STARD13: variants seen among roughly 807,000 people sequenced by gnomAD.
STARD13 encodes the protein stAR-related lipid transfer protein 13.
In STARD13, 62 loss-of-function variants were observed where a neutral mutation model predicts 106.4. The ratio of observed to expected loss-of-function variants is 0.58; its 90% CI spans 0.48 to 0.72. The LOEUF (loss-of-function observed/expected upper bound fraction) is 0.72. STARD13 is among the 30% of genes least tolerant of loss of function. The pLI is 0.00. For synonymous variants in STARD13, 565 were observed against 553.0 expected, an observed-to-expected ratio of 1.02 and a Z score of -0.31; for missense variants, 1,387 against 1,424.0, an observed-to-expected ratio of 0.97 and a Z score of 0.42.
chr13:33,444,650 C>A, the STARD13 span, among the ~76,000 whole-genome samples: 1 of 152,060 alleles, frequency 6.6e-6, no homozygotes, highest in Non-Finnish European at 1.5e-5. Context: ...CATCTGTAAT[C>A]CCAGCCACTA....
chr13:33,305,261 T>C (rs1892862526), intron 1 of STARD13, among the ~76,000 whole-genome samples: 1 of 152,218 alleles, frequency 6.6e-6, no homozygotes. Flanking sequence ...ATACATTTAA[T>C]GAGCACTTAC....
At chr13:33,561,685 G>A in the STARD13 span, among the ~76,000 whole-genome samples, 1 of 123,288 alleles carries the variant, frequency 8.1e-6, no homozygotes, top group Non-Finnish European at 1.8e-5. Context: ...TAAATTAATT[G>A]CTTTGTAAAG....
At chr13:33,165,209 C>G in intron 3 of STARD13, 128 bp downstream of exon 3, 1 of 743,502 alleles carries the variant, frequency 1.3e-6, no homozygotes, top group Middle Eastern at 2.3e-4. Flanking sequence ...TTAGAACCTG[C>G]ACCTGGGTCA....
the STARD13 span, among the ~76,000 whole-genome samples, chr13:33,609,377 C>T: frequency 6.6e-6 from 1 of 152,012 alleles, no homozygotes; most frequent in Non-Finnish European, 1.5e-5. Context: ...AAAAGTCAAG[C>T]GGCCAGGTAC....
At chr13:33,264,006 C>T (rs1890772017) in intron 1 of STARD13, among the ~76,000 whole-genome samples, 1 of 152,220 alleles carries the variant, frequency 6.6e-6, no homozygotes, top group Admixed American at 6.5e-5. Flanking sequence ...TTGCCTTGCT[C>T]ACTCTTGGGA....
chr13:33,634,885 A>G, the STARD13 span, among the ~76,000 whole-genome samples: 31 of 152,294 alleles, frequency 2.0e-4, no homozygotes, highest in South Asian at 6.2e-3. Context: ...TGTTGGCTGC[A>G]AAGGCTCTGG....
At chr13:33,446,750 C>T in the STARD13 span, among the ~76,000 whole-genome samples, 285 of 152,224 alleles carry the variant, frequency 1.9e-3, 2 homozygotes, top group African/African-American at 6.6e-3. Flanking sequence ...TGCAAAAACA[C>T]GAGTCTTTAC....
intron 4 of STARD13, among the ~76,000 whole-genome samples, chr13:33,132,069 T>A (rs980844111): frequency 6.6e-6 from 1 of 152,254 alleles, no homozygotes; most frequent in Non-Finnish European, 1.5e-5. Flanking sequence ...GGGATCCTCC[T>A]ATTCTTGTTT....
the STARD13 span, among the ~76,000 whole-genome samples, chr13:33,629,586 C>T: frequency 2.6e-5 from 4 of 152,120 alleles, no homozygotes; most frequent in African/African-American, 9.7e-5. Context: ...AGAAAAAACA[C>T]TAAGTTTTGA....
chr13:33,120,724 G>A (rs1876149330), intron 7 of STARD13, among the ~76,000 whole-genome samples: 1 of 152,036 alleles, frequency 6.6e-6, no homozygotes, highest in South Asian at 2.1e-4. Flanking sequence ...TCTCTTCAAA[G>A]CTATTGATGA....
the STARD13 span, among the ~76,000 whole-genome samples, chr13:33,547,396 A>C: frequency 6.6e-6 from 1 of 152,244 alleles, no homozygotes; most frequent in African/African-American, 2.4e-5. Flanking sequence ...TTACATATTT[A>C]TACTTTTTTC....
At chr13:33,446,973 C>T in the STARD13 span, among the ~76,000 whole-genome samples, 848 of 152,310 alleles carry the variant, frequency 5.6e-3, 4 homozygotes, top group Non-Finnish European at 9.8e-3. Flanking sequence ...CATAAAGAGG[C>T]TACTTGTTCT....
chr13:33,216,035 A>G (rs1466051898), intron 1 of STARD13, among the ~76,000 whole-genome samples: 1 of 152,050 alleles, frequency 6.6e-6, no homozygotes, highest in African/African-American at 2.4e-5. Flanking sequence ...TCTTGCAAGA[A>G]TGGCCATAAT....
chr13:33,279,421 G>A (rs1891645927), intron 1 of STARD13: 1 of 152,134 alleles, frequency 6.6e-6, no homozygotes, highest in South Asian at 2.1e-4. Context: ...AGGTGGGAGA[G>A]GGAAAGACAT....
chr13:33,113,900 G>A (rs1314670313), intron 8 of STARD13, among the ~76,000 whole-genome samples: 1 of 152,146 alleles, frequency 6.6e-6, no homozygotes, highest in African/African-American at 2.4e-5. Context: ...TCCTCTCACT[G>A]CGAAAGACAC....
intron 1 of STARD13, among the ~76,000 whole-genome samples, chr13:33,309,579 C>T (rs139051884): frequency 3.9e-5 from 6 of 152,248 alleles, no homozygotes; most frequent in African/African-American, 1.4e-4. Flanking sequence ...AGAGAACAGC[C>T]GTATTCAACT....
the STARD13 span, among the ~76,000 whole-genome samples, chr13:33,587,302 G>C: frequency 6.6e-6 from 1 of 151,928 alleles, no homozygotes; most frequent in African/African-American, 2.4e-5. Flanking sequence ...TCTGACTATG[G>C]CCCATCAGTA....
the STARD13 span, among the ~76,000 whole-genome samples, chr13:33,426,675 A>T: frequency 6.6e-6 from 1 of 152,108 alleles, no homozygotes; most frequent in Non-Finnish European, 1.5e-5. Flanking sequence ...TTGAGGCATT[A>T]TATTGGTTTT....
intron 1 of STARD13, among the ~76,000 whole-genome samples, chr13:33,245,614 G>A (rs987845563): frequency 1.3e-5 from 2 of 152,170 alleles, no homozygotes; most frequent in Non-Finnish European, 2.9e-5. Context: ...ATTGTATAAT[G>A]TTCCCTGCTT....
Sources: allele counts gnomAD v4.1 joint callset (sites outside exome capture counted in the v4.1 genomes callset), GRCh38; gene constraint gnomAD v4.1.1; transcripts MANE v1.5; gene names NCBI Gene and HGNC (gene_info 2026-07-23, HGNC 2026-07-21).